Variants in KCNH8 observed in about 807,000 individuals in gnomAD.
KCNH8 encodes voltage-gated delayed rectifier potassium channel KCNH8.
Under a neutral mutation model 103.6 loss-of-function variants are expected in KCNH8, and 70 were observed. That is an observed-to-expected ratio of 0.68 (90% CI 0.56 to 0.82). KCNH8 has a LOEUF of 0.82. Among genes scored for constraint, KCNH8 ranks in the 40% least tolerant of loss-of-function variants. The pLI is 0.00. For missense variants in KCNH8, 1,217 were observed against 1,329.9 expected (o/e 0.92, Z 1.32); for synonymous variants, 498 against 489.4 (o/e 1.02, Z -0.23).
chr3:19,479,333 G>T (rs761912365), intron 11 of KCNH8, among the ~76,000 whole-genome samples: 3 of 152,128 alleles, frequency 2.0e-5, no homozygotes, highest in African/African-American at 7.2e-5. Flanking sequence ...TTAATAGTTA[G>T]TCTTGATCTC....
chr3:19,248,617 A>G (rs376765780), intron 1 of KCNH8, among the ~76,000 whole-genome samples: 138 of 152,302 alleles, frequency 9.1e-4, no homozygotes, highest in African/African-American at 3.1e-3. Flanking sequence ...GTGGTATAGT[A>G]AAATAAGTCA....
intron 1 of KCNH8, among the ~76,000 whole-genome samples, chr3:19,225,917 A>T (rs558608887): frequency 7.6e-4 from 116 of 152,346 alleles, no homozygotes; most frequent in African/African-American, 2.7e-3. Context: ...ATACATGCCA[A>T]TGATTTCAGA....
chr3:19,534,291 A>G lies in KCNH8; in HGVS notation c.*192A>G. ...ACAATTTCTAGATACTAGAAGCATA[A>G]TAGAAACATTTTTCTGTACAGGTAT... On this transcript the variant is annotated 3_prime_UTR_variant, in exon 16 of 16. Coordinates refer to ENST00000328405, the MANE Select transcript of KCNH8 (RefSeq NM_144633.3). 1 of 591,388 alleles carries G rather than the reference A, an allele frequency of 1.7e-6. No homozygotes were observed. 36.6% of individuals were successfully genotyped at this position (591,388 alleles called of 1,614,324 possible).
At chr3:19,173,384 A>G (rs899679544) in intron 1 of KCNH8, among the ~76,000 whole-genome samples, 1 of 152,122 alleles carries the variant, frequency 6.6e-6, no homozygotes, top group Non-Finnish European at 1.5e-5. Context: ...TTTTCAACAA[A>G]TATTTATTGA....
At chr3:19,451,549 G>A in intron 10 of KCNH8, 145 bp downstream of exon 10, 2 of 696,966 alleles carry the variant, frequency 2.9e-6, no homozygotes, top group Non-Finnish European at 2.4e-6. Context: ...TGAGTTTAGT[G>A]TGCCTATGTG....
At chr3:19,253,600 A>G (rs1336798568) in intron 1 of KCNH8, 54 bp from the exon 2 acceptor site, 6 of 1,325,426 alleles carry the variant, frequency 4.5e-6, no homozygotes, top group South Asian at 3.5e-5. Flanking sequence ...GGAATTGTGT[A>G]TAAATTCTCA....
At chr3:19,231,354 G>C (rs138584871) in intron 1 of KCNH8, among the ~76,000 whole-genome samples, 1 of 151,964 alleles carries the variant, frequency 6.6e-6, no homozygotes, top group African/African-American at 2.4e-5. Context: ...CATAATGCTC[G>C]GTATGTTGTA....
chr3:19,183,423 A>G (rs561541828), intron 1 of KCNH8, among the ~76,000 whole-genome samples: 7 of 152,274 alleles, frequency 4.6e-5, no homozygotes, highest in Admixed American at 2.6e-4. Flanking sequence ...TCGTGCATGC[A>G]TGGAACAATG....
chr3:19,178,448 C>T (rs1458336900), intron 1 of KCNH8, among the ~76,000 whole-genome samples: 1 of 152,078 alleles, frequency 6.6e-6, no homozygotes, highest in East Asian at 1.9e-4. Context: ...TGTTTCTTTT[C>T]CTCAAGATAC....
chr3:19,421,530 CT>C (rs982783235), intron 7 of KCNH8, among the ~76,000 whole-genome samples: 1 of 151,788 alleles, frequency 6.6e-6, no homozygotes, highest in African/African-American at 2.4e-5. Flanking sequence ...TTTACATTTC[CT>C]TTTTGATTTT....
At chr3:19,272,989 A>G (rs1222950574) in intron 2 of KCNH8, among the ~76,000 whole-genome samples, 1 of 152,188 alleles carries the variant, frequency 6.6e-6, no homozygotes, top group African/African-American at 2.4e-5. Context: ...CAGGCACTCA[A>G]TAAATATCCA....
rs908520537 is a variant in KCNH8 at position 19,496,349 on chromosome 3, T to C, written c.2041-14014T>C. 2.6e-5 allele frequency among the ~76,000 whole-genome samples: 4 copies of C among 152,000 alleles called. No homozygotes were observed. In the Admixed American group the frequency reaches 2.6e-4, roughly 10 times the overall value. On this transcript the variant is annotated intron_variant, in intron 11 of 15. Coordinates refer to ENST00000328405, the MANE Select transcript of KCNH8 (RefSeq NM_144633.3). ...GTGGATTTGTTATAGATGGCTCTTA[T>C]TATTTTAAAGTATATTCCTTCAATG... is the stretch of plus-strand genomic sequence containing the variant.
chr3:19,307,682 C>T (rs183170007), intron 3 of KCNH8, among the ~76,000 whole-genome samples: 58 of 151,808 alleles, frequency 3.8e-4, no homozygotes, highest in Middle Eastern at 3.4e-3. Flanking sequence ...ATGAAGAAAA[C>T]GTGGTACATA....
chr3:19,430,028 G>A (rs1365103239), intron 7 of KCNH8, among the ~76,000 whole-genome samples: 1 of 152,158 alleles, frequency 6.6e-6, no homozygotes, highest in Non-Finnish European at 1.5e-5. Flanking sequence ...ATGAATGTAT[G>A]CATGCATGTG....
At chr3:19,183,985 A>G (rs1303428996) in intron 1 of KCNH8, among the ~76,000 whole-genome samples, 4 of 152,144 alleles carry the variant, frequency 2.6e-5, no homozygotes, top group Admixed American at 6.5e-5. Flanking sequence ...GCTTATGTTC[A>G]TATGAATTCA....
In KCNH8 at chr3:19,201,393, A is replaced by G. The variant is rs144101244; in HGVS notation, c.77-52261A>G. ...TTTTCTAACATTCAAAATTTAACAAATGTTTTTAAAAGGTCAATTATGTGC... is the reference window on the plus strand; with the variant it reads ...TTTTCTAACATTCAAAATTTAACAAGTGTTTTTAAAAGGTCAATTATGTGC... On this transcript the variant is annotated intron_variant, in intron 1 of 15. Coordinates refer to ENST00000328405, the MANE Select transcript of KCNH8 (RefSeq NM_144633.3). Among the ~76,000 whole-genome samples the G allele has an allele frequency of 5.3e-4, 80 of 152,036 alleles. 1 individual carries two copies. The East Asian group carries it at 0.014, about 26-fold the overall frequency.
In KCNH8 at chr3:19,513,235, A is replaced by AC. The variant is rs760381227; in HGVS notation, c.2352dup (p.Asn785GlnfsTer3). On this transcript the variant is annotated frameshift_variant, in exon 13 of 16. Coordinates refer to ENST00000328405, the MANE Select transcript of KCNH8 (RefSeq NM_144633.3). LOFTEE classifies it high-confidence loss of function. ...TCCCCCAAAACCAAGCAGGAAATTG[A>AC]CCCCCCCAACCATAATAAAAGGAAA... 1.2e-5 allele frequency: 19 copies of AC among 1,582,196 alleles called. No individual in the cohort carries two copies. Among genetic ancestry groups the AC allele is most frequent in the East Asian group, 6.8e-5 (3 of 44,244 alleles).
chr3:19,371,264 A>T (rs1298998555), intron 5 of KCNH8, among the ~76,000 whole-genome samples: 1 of 149,798 alleles, frequency 6.7e-6, no homozygotes, highest in African/African-American at 2.4e-5. Flanking sequence ...CATCCTCTCC[A>T]GCACCTGTTG....
At chr3:19,444,686 GA>G (rs200506005) in intron 8 of KCNH8, among the ~76,000 whole-genome samples, 1 of 151,362 alleles carries the variant, frequency 6.6e-6, no homozygotes, top group South Asian at 2.1e-4. Flanking sequence ...GCAAAAGCTT[GA>G]AAAAAACACC....
Sources: allele counts gnomAD v4.1 joint callset (sites outside exome capture counted in the v4.1 genomes callset), GRCh38; gene constraint gnomAD v4.1.1; transcripts MANE v1.5; gene names NCBI Gene and HGNC (gene_info 2026-07-23, HGNC 2026-07-21).